The following DISC1 variants were observed in gnomAD, a reference collection of about 807,000 sequenced individuals.
DISC1 encodes the protein disrupted in schizophrenia 1 protein.
DISC1 carries 57 observed loss-of-function variants against 84.5 expected under a neutral mutation model. That is an observed-to-expected ratio of 0.67 (90% CI 0.55 to 0.84). The LOEUF is 0.84. Among genes scored for constraint, DISC1 ranks in the 40% least tolerant of loss-of-function variants. The pLI is 0.00. For missense variants in DISC1, 1,000 were observed against 1,057.8 expected, an observed-to-expected ratio of 0.95 and a Z score of 0.76; for synonymous variants, 411 against 415.2, an observed-to-expected ratio of 0.99 and a Z score of 0.12.
intron 10 of DISC1, among the ~76,000 whole-genome samples, chr1:231,995,952 C>T (rs889609782): frequency 6.6e-6 from 1 of 151,978 alleles, no homozygotes; most frequent in African/African-American, 2.4e-5. Flanking sequence ...TTTACAGTCC[C>T]ACCAACAGTG....
Position 232,009,128 on chromosome 1 carries a change from A to G in DISC1, c.2307+79A>G, listed in dbSNP as rs1558833244. ...TGGGACCATGCTCCAAATGGGAACA[A>G]TAAATATTGGGAAGGCTTCCCATTG... On this transcript the variant is annotated intron_variant, in intron 11 of 12. Transcript: ENST00000439617. The surrounding 1 kb of genome is among the most constrained non-coding windows in gnomAD (Gnocchi z 4.6). 2 of 1,596,778 alleles carry G rather than the reference A, an allele frequency of 1.3e-6. No individual in the cohort carries two copies. Among genetic ancestry groups the G allele is most frequent in the African/African-American group, 2.7e-5 (2 of 74,736 alleles).
intron 9 of DISC1, among the ~76,000 whole-genome samples, chr1:231,840,298 T>G (rs556689707): frequency 6.6e-6 from 1 of 152,182 alleles, no homozygotes; most frequent in Non-Finnish European, 1.5e-5. Context: ...ATTCCACTCC[T>G]GGGTACTTAT....
intron 8 of DISC1, among the ~76,000 whole-genome samples, chr1:231,802,486 C>A (rs1400288788): frequency 3.3e-5 from 5 of 152,132 alleles, no homozygotes; most frequent in Non-Finnish European, 5.9e-5. Context: ...ATTACCCAGT[C>A]TCAGGTGGTA....
intron 3 of DISC1, among the ~76,000 whole-genome samples, chr1:231,711,363 T>C (rs932767428): frequency 1.4e-4 from 20 of 147,208 alleles, no homozygotes; most frequent in African/African-American, 2.8e-4. Flanking sequence ...ATTTCTTTTT[T>C]TTTTTTTTTT....
intron 1 of DISC1, 57 bp downstream of exon 1, chr1:231,626,991 C>A (rs2058305477): frequency 3.2e-6 from 4 of 1,252,032 alleles, no homozygotes; most frequent in South Asian, 1.5e-5. Flanking sequence ...GCAAGGAGGG[C>A]GCGCTCTGGC....
At chr1:231,878,088 T>C (rs1215039698) in intron 9 of DISC1, among the ~76,000 whole-genome samples, 1 of 152,172 alleles carries the variant, frequency 6.6e-6, no homozygotes, top group Non-Finnish European at 1.5e-5. Context: ...CTTAAAACAG[T>C]TCATTCTTTT....
chr1:231,840,943 A>G (rs2083006323), intron 9 of DISC1, among the ~76,000 whole-genome samples: 1 of 152,158 alleles, frequency 6.6e-6, no homozygotes, highest in African/African-American at 2.4e-5. Flanking sequence ...TTGAAGACAT[A>G]TAGCTCATTT....
At chr1:231,658,355 T>A (rs1164888210) in intron 1 of DISC1, among the ~76,000 whole-genome samples, 3 of 152,222 alleles carry the variant, frequency 2.0e-5, no homozygotes, top group Non-Finnish European at 4.4e-5. Flanking sequence ...CTGAAGTTGC[T>A]TATCAGCTTA....
intron 10 of DISC1, among the ~76,000 whole-genome samples, chr1:232,004,695 T>G (rs1667115743): frequency 2.0e-5 from 3 of 152,174 alleles, no homozygotes; most frequent in Non-Finnish European, 4.4e-5. Flanking sequence ...TCCCACCTTT[T>G]ACCTATTAGA....
chr1:231,806,147 T>C (rs554238716), intron 8 of DISC1, among the ~76,000 whole-genome samples: 1 of 152,358 alleles, frequency 6.6e-6, no homozygotes, highest in South Asian at 2.1e-4. Flanking sequence ...AATAAATATA[T>C]GAACGTGACG....
At chr1:231,878,783 A>G (rs2086072253) in intron 9 of DISC1, among the ~76,000 whole-genome samples, 1 of 152,170 alleles carries the variant, frequency 6.6e-6, no homozygotes, top group African/African-American at 2.4e-5. Flanking sequence ...TAGCCCTTCC[A>G]AGTCCTCAGC....
rs540917197 is a variant in DISC1, at chr1:232,035,693, CT to C, written c.2426-997del. Among the ~76,000 whole-genome samples the C allele has an allele frequency of 1.2e-4, 19 of 152,268 alleles. No homozygotes were observed. The South Asian group carries it at 3.9e-3, about 32-fold the overall frequency. ...GTGTCAACATATTTCTACTTTCTCC[CT>C]TGGTCCCTGTTGGATGAAAGTGGAT... On this transcript the variant is annotated intron_variant, in intron 12 of 12. Coordinates refer to ENST00000439617, the MANE Select transcript of DISC1 (RefSeq NM_018662.3).
intron 8 of DISC1, among the ~76,000 whole-genome samples, chr1:231,807,580 A>T (rs1287628999): frequency 6.6e-6 from 1 of 152,128 alleles, no homozygotes; most frequent in Non-Finnish European, 1.5e-5. Flanking sequence ...TAAGATTTTC[A>T]TCTCCTGCCC....
intron 11 of DISC1, 30 bp from the exon 12 acceptor site, chr1:232,026,405 C>A: frequency 6.7e-7 from 1 of 1,485,496 alleles, no homozygotes; most frequent in Non-Finnish European, 9.3e-7. Flanking sequence ...ACGGCACTAA[C>A]AAGTGATCTT....
In DISC1 at chr1:232,038,313, G is replaced by C. The variant is rs1261057145; in HGVS notation, c.*1482G>C. ...TGGGCTGCTTCTTTGGCCCAGCTGG[G>C]ACTCCTATTGAGACAGCTGCAAAAC... On this transcript the variant is annotated 3_prime_UTR_variant, in exon 13 of 13. Coordinates refer to ENST00000439617, the MANE Select transcript of DISC1 (RefSeq NM_018662.3). 2 of 152,136 alleles carry C rather than the reference G, an allele frequency of 1.3e-5. No individual in the cohort carries two copies. The highest frequency in any genetic ancestry group is 4.8e-5 in the African/African-American group (2 of 41,422). The allele number at this position is 152,136 out of a possible 1,614,324, so 9.4% of individuals were successfully genotyped here. A position where few individuals can be genotyped will look rare whatever the true frequency, so the allele number is the denominator to read the frequency against.
intron 9 of DISC1, among the ~76,000 whole-genome samples, chr1:231,868,500 A>AT (rs1035840328): frequency 6.6e-6 from 1 of 151,310 alleles, no homozygotes; most frequent in Non-Finnish European, 1.5e-5. Flanking sequence ...ATCAAACCTT[A>AT]TTTTTTTTCT....
In DISC1 at chr1:232,031,235, AAGAG is replaced by A. The variant is rs1413848137; in HGVS notation, c.2425+4686_2425+4689del. On this transcript the variant is annotated intron_variant, in intron 12 of 12. Coordinates refer to ENST00000439617, the MANE Select transcript of DISC1 (RefSeq NM_018662.3). The surrounding 1 kb of genome is among the most constrained non-coding windows in gnomAD (Gnocchi z 4.6). ...GAAGGAAGGGAGAAAGAGAGAGAGA[AAGAG>A]AGGAAGGAAGGAAGGAGAAAGAAAG... Among the ~76,000 whole-genome samples the A allele has an allele frequency of 2.1e-5, 3 of 146,048 alleles. No homozygotes were observed. Among genetic ancestry groups the A allele is most frequent in the South Asian group, 2.3e-4 (1 of 4,410 alleles).
At chr1:231,791,317 G>A (rs906527445) in intron 6 of DISC1, among the ~76,000 whole-genome samples, 1 of 152,176 alleles carries the variant, frequency 6.6e-6, no homozygotes, top group Non-Finnish European at 1.5e-5. Context: ...ACAGTTAGGA[G>A]AGCAGATAGT....
At chr1:232,027,793 CTGTG>C (rs35448234) in intron 12 of DISC1, among the ~76,000 whole-genome samples, 11,891 of 143,294 alleles carry the variant, frequency 0.083, 760 homozygotes, top group African/African-American at 0.18. Flanking sequence ...ACTTTATGGG[CTGTG>C]TGTGTGTGTG....
Sources: gnomAD v4.1 joint callset for allele counts (sites outside exome capture counted in the v4.1 genomes callset) on GRCh38, gnomAD v4.1.1 for gene constraint, Gnocchi (gnomAD v3.1) non-coding constraint, MANE v1.5 for transcripts, NCBI Gene and HGNC (gene_info 2026-07-23, HGNC 2026-07-21) for gene names.